The following SAP130 variants were observed in gnomAD, a reference collection of about 807,000 sequenced individuals.
SAP130 encodes histone deacetylase complex subunit SAP130.
In SAP130, 16 loss-of-function variants were observed where a neutral mutation model predicts 103.2. The observed-to-expected ratio is 0.16, with a 90% CI of 0.10 to 0.24. The LOEUF (loss-of-function observed/expected upper bound fraction) is 0.24. Ranked by LOEUF, SAP130 falls within the 10% of genes least tolerant of loss-of-function variation. SAP130 has a pLI of 1.00. For synonymous variants in SAP130, 477 were observed against 497.0 expected, an observed-to-expected ratio of 0.96 and a Z score of 0.53; for missense variants, 990 against 1,359.7, an observed-to-expected ratio of 0.73 and a Z score of 4.28.
intron 7 of SAP130, among the ~76,000 whole-genome samples, chr2:128,003,541 C>T (rs1277241416): frequency 3.3e-5 from 5 of 150,916 alleles, no homozygotes; most frequent in South Asian, 2.1e-4. Context: ...TACAGGTGGG[C>T]GTCAAGATGT....
chr2:127,954,812 T>C (rs1445542998), intron 16 of SAP130, among the ~76,000 whole-genome samples, 174 bp downstream of exon 16: 1 of 152,220 alleles, frequency 6.6e-6, no homozygotes, highest in Non-Finnish European at 1.5e-5. Flanking sequence ...GTTTTACTTT[T>C]CACAATGAGT....
intron 15 of SAP130, among the ~76,000 whole-genome samples, chr2:127,960,269 G>C (rs1400712013): frequency 6.6e-6 from 1 of 152,176 alleles, no homozygotes; most frequent in African/African-American, 2.4e-5. Flanking sequence ...ACAGGCTCCA[G>C]GTGACAAGGT....
At position 128,012,671 on chromosome 2, in the gene SAP130, T is replaced by C. The variant is rs150163098; in HGVS notation, c.744+359A>G. Among the ~76,000 whole-genome samples the C allele has an allele frequency of 3.2e-4, 49 of 152,100 alleles. 1 individual carries two copies. In the South Asian group the frequency reaches 6.0e-3, roughly 19 times the overall value. ...CATGTTCTTGGAATATACATAGATATACACCTAACTTTTAGGAGTCCACAG... is the reference window on the plus strand; with the variant it reads ...CATGTTCTTGGAATATACATAGATACACACCTAACTTTTAGGAGTCCACAG... On this transcript the variant is annotated intron_variant, in intron 6 of 20. Coordinates refer to ENST00000643581, the MANE Select transcript of SAP130 (RefSeq NM_001330301.2).
chr2:128,015,057 G>A lies in SAP130; in HGVS notation c.508-143C>T, dbSNP rs1036463363. 1.4e-5 allele frequency: 9 copies of A among 637,526 alleles called. No homozygotes were observed. In the Admixed American group the frequency reaches 2.2e-4, roughly 15 times the overall value. The allele number at this position is 637,526 out of a possible 1,614,324, so 39.5% of individuals were successfully genotyped here. ...AGAAAGGGCTAAGGACATTCAGCTTGAGCTACTTTTACATGCCATACCGTA... is the reference window on the plus strand; with the variant it reads ...AGAAAGGGCTAAGGACATTCAGCTTAAGCTACTTTTACATGCCATACCGTA... On this transcript the variant is annotated intron_variant, in intron 4 of 20. Coordinates refer to ENST00000643581, the MANE Select transcript of SAP130 (RefSeq NM_001330301.2).
chr2:128,021,164 T>C (rs1685126571), intron 2 of SAP130, among the ~76,000 whole-genome samples: 1 of 152,076 alleles, frequency 6.6e-6, no homozygotes, highest in Non-Finnish European at 1.5e-5. Flanking sequence ...AAAAGAGTGA[T>C]GTGGCCGGGC....
chr2:128,007,737 T>C (rs1471539213), intron 7 of SAP130, among the ~76,000 whole-genome samples: 1 of 152,192 alleles, frequency 6.6e-6, no homozygotes, highest in East Asian at 1.9e-4. Context: ...GTTCCAGGTA[T>C]TGCTGTTCAT....
At position 127,942,340 on chromosome 2, in the gene SAP130, G is replaced by C; in HGVS notation, c.3015+84C>G. ...ATGTTTTTACTGAAGATATGAGGGA[G>C]ACGGGGGGAAACGGGAGAAGTAGGG... On this transcript the variant is annotated intron_variant, in intron 20 of 20. Coordinates refer to ENST00000643581, the MANE Select transcript of SAP130 (RefSeq NM_001330301.2). This position sits in a 1 kb window ranked among gnomAD's most constrained non-coding sequence, Gnocchi z 4.8. 8.9e-7 allele frequency: 1 copy of C among 1,124,084 alleles called. No individual in the cohort carries two copies. Among genetic ancestry groups the C allele is most frequent in the Non-Finnish European group, 1.3e-6 (1 of 743,994 alleles). The allele number at this position is 1,124,084 out of a possible 1,614,324, so 69.6% of individuals were successfully genotyped here. A position where few individuals can be genotyped will look rare whatever the true frequency, so the allele number is the denominator to read the frequency against.
At chr2:127,943,287 G>A (rs1321765989) in intron 19 of SAP130, among the ~76,000 whole-genome samples, 1 of 152,212 alleles carries the variant, frequency 6.6e-6, no homozygotes, top group Admixed American at 6.5e-5. Context: ...CTCTTCACCT[G>A]CTGGTGAAGG....
At chr2:128,013,844 C>T (rs954315213) in intron 5 of SAP130, among the ~76,000 whole-genome samples, 2 of 152,184 alleles carry the variant, frequency 1.3e-5, no homozygotes, top group African/African-American at 4.8e-5. Flanking sequence ...GTGGGAAGAT[C>T]GCTTGTGCCC....
chr2:128,018,246 A>G (rs556897379), intron 2 of SAP130, among the ~76,000 whole-genome samples: 1 of 151,746 alleles, frequency 6.6e-6, no homozygotes, highest in African/African-American at 2.4e-5. Flanking sequence ...GAAAGTTATA[A>G]AAGCCTGACA....
At chr2:127,997,533 G>A (rs765950472) in intron 10 of SAP130, among the ~76,000 whole-genome samples, 1 of 152,174 alleles carries the variant, frequency 6.6e-6, no homozygotes, top group Non-Finnish European at 1.5e-5. Flanking sequence ...AGAAGTTTTC[G>A]CAGGGTGATA....
chr2:127,955,190 C>T lies in SAP130; in HGVS notation c.2218G>A (p.Ala740Thr), dbSNP rs374139019. 1.7e-5 allele frequency: 28 copies of T among 1,613,980 alleles called. No homozygotes were observed. Among genetic ancestry groups the T allele is most frequent in the African/African-American group, 2.7e-5 (2 of 74,894 alleles). Residue 740 changes from alanine (A) to threonine (T), a missense_variant, in exon 16 of 21, where the codon GCC becomes ACC. This residue lies in a region of SAP130 where 349 missense variants were observed against 384.1 expected (regional missense o/e 0.91). Coordinates refer to ENST00000643581, the MANE Select transcript of SAP130 (RefSeq NM_001330301.2). The surrounding 1 kb of genome is among the most constrained non-coding windows in gnomAD (Gnocchi z 4.9). ...PPTIPTMIAA[A>T]SPPSQPAVAL... Reference sequence around the variant, plus strand: ...ACGGCTGGTTGTGACGGGGGACTGGCTGCTGCAATCATAGTTGGAATGGTC... The same window carrying T: ...ACGGCTGGTTGTGACGGGGGACTGGTTGCTGCAATCATAGTTGGAATGGTC...
rs1462747159 is a variant in SAP130, at chr2:128,016,404, T to G, written c.492A>C (p.Thr164=). 6.2e-7 allele frequency: 1 copy of G among 1,612,982 alleles called. No homozygotes were observed. Among genetic ancestry groups the G allele is most frequent in the Admixed American group, 1.7e-5 (1 of 59,802 alleles). Reference sequence around the variant, plus strand: ...GAAGAAAAACCTGTTGTCCACTGATTGTTGCCACAGGAATGGCTGAAGCTT... The same window carrying G: ...GAAGAAAAACCTGTTGTCCACTGATGGTTGCCACAGGAATGGCTGAAGCTT... The part of the protein sequence containing the change: ...IPQASAIPVA[T]ISGQQGHPSN... Residue 164 remains threonine (T), a synonymous_variant, in exon 4 of 21, where the codon ACA becomes ACC. Transcript: ENST00000643581.
chr2:128,000,784 A>G (rs1683501861), intron 7 of SAP130, among the ~76,000 whole-genome samples: 1 of 152,166 alleles, frequency 6.6e-6, no homozygotes, highest in Non-Finnish European at 1.5e-5. Flanking sequence ...CTGTAGACAC[A>G]GTGCTTTTGG....
intron 15 of SAP130, among the ~76,000 whole-genome samples, chr2:127,971,979 C>G (rs1051040261): frequency 4.6e-5 from 7 of 152,128 alleles, no homozygotes; most frequent in Admixed American, 1.3e-4. Flanking sequence ...TCTAAAACAG[C>G]CATTTATATG....
At chr2:127,965,323 C>T (rs965040481) in intron 15 of SAP130, among the ~76,000 whole-genome samples, 7 of 151,806 alleles carry the variant, frequency 4.6e-5, no homozygotes, top group African/African-American at 1.7e-4. Context: ...ACAGAAAAAC[C>T]CAGACTAACA....
intron 5 of SAP130, 114 bp downstream of exon 5, chr2:128,014,689 G>C (rs1684650356): frequency 2.6e-6 from 2 of 765,942 alleles, no homozygotes; most frequent in Admixed American, 4.6e-5. Flanking sequence ...TCTGCAGACT[G>C]TTGTTCTGCA....
chr2:127,973,104 C>T (rs1003336501), intron 15 of SAP130, among the ~76,000 whole-genome samples: 2 of 152,170 alleles, frequency 1.3e-5, no homozygotes, highest in Admixed American at 1.3e-4. Context: ...CTGGTCCTTG[C>T]ACCACTTCTG....
intron 10 of SAP130, among the ~76,000 whole-genome samples, chr2:127,999,106 AC>A (rs1683368288): frequency 6.6e-6 from 1 of 152,186 alleles, no homozygotes; most frequent in Admixed American, 6.5e-5. Flanking sequence ...TGCAGAAAAG[AC>A]CCAATAGTAG....
Sources: gnomAD v4.1 joint callset for allele counts (sites outside exome capture counted in the v4.1 genomes callset) on GRCh38, gnomAD v4.1.1 for gene constraint, gnomAD v4.1.1 regional missense constraint, Gnocchi (gnomAD v3.1) non-coding constraint, MANE v1.5 for transcripts, NCBI Gene and HGNC (gene_info 2026-07-23, HGNC 2026-07-21) for gene names.